ECT2L: variants seen among roughly 807,000 people sequenced by gnomAD.
ECT2L encodes epithelial cell-transforming sequence 2 oncogene-like.
Under a neutral mutation model 122.8 loss-of-function variants are expected in ECT2L, and 126 were observed. The ratio of observed to expected loss-of-function variants is 1.03; its 90% CI spans 0.89 to 1.19. ECT2L has a LOEUF of 1.19. Among genes scored for constraint, ECT2L ranks in the 50% most tolerant of loss-of-function variants. The pLI is 0.00. For missense variants in ECT2L, 1,012 were observed against 1,064.1 expected, an observed-to-expected ratio of 0.95 and a Z score of 0.68; for synonymous variants, 385 against 381.8, an observed-to-expected ratio of 1.01 and a Z score of -0.10.
At chr6:138,885,926 G>C in intron 18 of ECT2L, 96 bp downstream of exon 18, 1 of 1,284,576 alleles carries the variant, frequency 7.8e-7, no homozygotes, top group Non-Finnish European at 1.1e-6. Flanking sequence ...TCTTCTTGTG[G>C]GGTTCTTCGC....
chr6:138,805,201 A>G (rs559941480), intron 1 of ECT2L, among the ~76,000 whole-genome samples: 1 of 152,282 alleles, frequency 6.6e-6, no homozygotes, highest in East Asian at 1.9e-4. Context: ...TGAATGCATG[A>G]CAGTAGATTT....
intron 14 of ECT2L, among the ~76,000 whole-genome samples, chr6:138,879,640 A>AT (rs758013811): frequency 7.2e-5 from 11 of 152,126 alleles, no homozygotes; most frequent in Non-Finnish European, 1.2e-4. Flanking sequence ...CCAGTGTATG[A>AT]TTTTCACCTC....
chr6:138,843,312 C>A, intron 6 of ECT2L, 81 bp downstream of exon 6: 2 of 1,392,482 alleles, frequency 1.4e-6, no homozygotes, highest in Non-Finnish European at 1.9e-6. Context: ...CCACAGAGGA[C>A]AGCCCTGTCT....
intron 4 of ECT2L, among the ~76,000 whole-genome samples, chr6:138,828,632 G>A (rs189326261): frequency 3.2e-4 from 49 of 152,234 alleles, no homozygotes; most frequent in African/African-American, 9.2e-4. Context: ...ATACTACCTC[G>A]TCATTCCTTT....
chr6:138,847,039 A>G (rs1376424120), intron 8 of ECT2L, among the ~76,000 whole-genome samples: 3 of 150,140 alleles, frequency 2.0e-5, no homozygotes, highest in Non-Finnish European at 4.4e-5. Context: ...AGGTCAAGGT[A>G]GGTGGATCAC....
rs552594959 is a variant in ECT2L, at chr6:138,890,492, C to CTTTTTTTTTTTTTT, written c.2414+1476_2414+1489dup. 1.9e-3 allele frequency among the ~76,000 whole-genome samples: 150 copies of CTTTTTTTTTTTTTT among 78,970 alleles called. 6 individuals are homozygous for CTTTTTTTTTTTTTT. The highest frequency in any genetic ancestry group is 9.6e-3 in the East Asian group (15 of 1,560). The allele number at this position is 78,970 out of a possible 152,430, so 51.8% of individuals were successfully genotyped here. ...TCATGACATTTTTGTTTTCTTTGAT[C>CTTTTTTTTTTTTTT]TTTTTTTTTTTTTTTTTTTTTTTTT... is the stretch of plus-strand genomic sequence containing the variant. On this transcript the variant is annotated intron_variant, in intron 20 of 21. Transcript: ENST00000541398.
At chr6:138,827,696 T>C (rs1483006211) in intron 4 of ECT2L, among the ~76,000 whole-genome samples, 3 of 152,034 alleles carry the variant, frequency 2.0e-5, no homozygotes, top group Non-Finnish European at 4.4e-5. Flanking sequence ...GTAGCTGGGA[T>C]TACAGGTGCA....
chr6:138,888,477 A>AT (rs11330502), intron 19 of ECT2L, among the ~76,000 whole-genome samples: 2 of 151,098 alleles, frequency 1.3e-5, no homozygotes, highest in Non-Finnish European at 3.0e-5. Flanking sequence ...CACCTGGCTA[A>AT]TTTTTTTTGT....
intron 4 of ECT2L, among the ~76,000 whole-genome samples, chr6:138,814,915 C>A (rs755421515): frequency 3.4e-4 from 51 of 152,096 alleles, no homozygotes; most frequent in African/African-American, 1.2e-3. Flanking sequence ...ATCAGACAGA[C>A]AATATATTGC....
At chr6:138,812,570 G>A (rs983672158) in intron 1 of ECT2L, among the ~76,000 whole-genome samples, 2 of 152,186 alleles carry the variant, frequency 1.3e-5, no homozygotes, top group East Asian at 1.9e-4. Flanking sequence ...TTGAGAGGCT[G>A]AGGCGGGCAG....
intron 1 of ECT2L, among the ~76,000 whole-genome samples, chr6:138,799,870 T>A (rs1775481139): frequency 6.6e-6 from 1 of 152,226 alleles, no homozygotes; most frequent in South Asian, 2.1e-4. Flanking sequence ...TTCTCTGCCA[T>A]GTTCTTCTCT....
chr6:138,860,392 C>CT (rs1364577604), intron 10 of ECT2L, among the ~76,000 whole-genome samples: 8 of 151,564 alleles, frequency 5.3e-5, no homozygotes, highest in Admixed American at 2.0e-4. Flanking sequence ...TTCCTTATAA[C>CT]TACTATCCTT....
intron 11 of ECT2L, among the ~76,000 whole-genome samples, chr6:138,863,672 C>T (rs1246422222): frequency 4.0e-5 from 6 of 151,268 alleles, no homozygotes; most frequent in Admixed American, 2.0e-4. Context: ...TGCAGCGGCA[C>T]GTTCTCGATC....
In ECT2L at chr6:138,886,853, C is replaced by T; in HGVS notation, c.2260-4C>T. On this transcript the variant is annotated splice_polypyrimidine_tract_variant and splice_region_variant and intron_variant, in intron 18 of 21. Transcript: ENST00000541398. ...TTTGCCTAAAAGTACTTTTTTTCCC[C>T]TAGATGAAGCAAAACATCACTATGA... 1 of 1,612,078 alleles carries T rather than the reference C, an allele frequency of 6.2e-7. No individual in the cohort carries two copies. The highest frequency in any genetic ancestry group is 8.5e-7 in the Non-Finnish European group (1 of 1,178,888).
chr6:138,802,125 G>A (rs1692238330), intron 1 of ECT2L, among the ~76,000 whole-genome samples: 1 of 152,240 alleles, frequency 6.6e-6, no homozygotes, highest in African/African-American at 2.4e-5. Context: ...AAACTATAGA[G>A]AGGCCCACAT....
At chr6:138,888,461 C>T (rs1778905190) in intron 19 of ECT2L, among the ~76,000 whole-genome samples, 1 of 140,532 alleles carries the variant, frequency 7.1e-6, no homozygotes, top group Admixed American at 7.6e-5. Flanking sequence ...CCGGCATGCA[C>T]CACCACACCT....
Position 138,843,078 on chromosome 6 carries a change from T to C in ECT2L, c.442T>C (p.Cys148Arg). ...TGCTTGGAAGCGCCATTACATTGCT[T>C]GTGTGTCCCACTTAGACTGGCTGAC... The part of the protein sequence containing the change: ...YGAWKRHYIA[C>R]VSHLDWLTPR... Residue 148 changes from cysteine to arginine, a missense_variant, in exon 6 of 22, where the codon TGT becomes CGT. By Grantham distance (180) the Cys-to-Arg change is radical. Coordinates refer to ENST00000541398, the MANE Select transcript of ECT2L (RefSeq NM_001077706.3). 6.2e-7 allele frequency: 1 copy of C among 1,613,944 alleles called. No homozygotes were observed. Among genetic ancestry groups the C allele is most frequent in the Non-Finnish European group, 8.5e-7 (1 of 1,179,856 alleles).
At chr6:138,866,243 G>A (rs1778033625) in intron 12 of ECT2L, among the ~76,000 whole-genome samples, 1 of 150,432 alleles carries the variant, frequency 6.6e-6, no homozygotes, top group East Asian at 1.9e-4. Context: ...CTGCCTCCCA[G>A]TTCAAGGGAT....
At position 138,903,267 on chromosome 6, in the gene ECT2L, G is replaced by A. The variant is rs1187541231; in HGVS notation, c.*640G>A. On this transcript the variant is annotated 3_prime_UTR_variant, in exon 22 of 22. Transcript: ENST00000541398. ...TGCTACTTGCGACGCTGAGGCAGGA[G>A]AAGAATCACTTGTACCCGGGAGTCG... 1 of 152,012 alleles carries A rather than the reference G, an allele frequency of 6.6e-6. No homozygotes were observed. The highest frequency in any genetic ancestry group is 6.6e-5 in the Admixed American group (1 of 15,236). The allele number at this position is 152,012 out of a possible 1,614,324, so 9.4% of individuals were successfully genotyped here. A position where few individuals can be genotyped will look rare whatever the true frequency, so the allele number is the denominator to read the frequency against.
Sources: allele counts gnomAD v4.1 joint callset (sites outside exome capture counted in the v4.1 genomes callset), GRCh38; gene constraint gnomAD v4.1.1; transcripts MANE v1.5; gene names NCBI Gene and HGNC (gene_info 2026-07-23, HGNC 2026-07-21).